CACNA1B: variants seen among roughly 807,000 people sequenced by gnomAD.
CACNA1B encodes calcium voltage-gated channel subunit alpha1 B, also known as voltage-dependent N-type calcium channel subunit alpha-1B.
CACNA1B carries 70 observed loss-of-function variants against 247.2 expected under a neutral mutation model. That is an observed-to-expected ratio of 0.28 (90% CI 0.23 to 0.35). The LOEUF is 0.35. CACNA1B is among the 10% of genes least tolerant of loss of function. The probability of loss-of-function intolerance (pLI) is 1.00; values close to 1 mark genes in which losing one functional copy is unlikely to be tolerated. For synonymous variants in CACNA1B, 1,231 were observed against 1,294.4 expected, an observed-to-expected ratio of 0.95 and a Z score of 1.05; for missense variants, 2,367 against 3,197.4, an observed-to-expected ratio of 0.74 and a Z score of 6.26.
chr9:138,099,986 A>C (rs1424994848), intron 37 of CACNA1B, among the ~76,000 whole-genome samples: 1 of 152,276 alleles, frequency 6.6e-6, no homozygotes, highest in African/African-American at 2.4e-5. Flanking sequence ...AAACAGGCAC[A>C]TGCTGTCAGA....
chr9:137,885,509 C>T (rs1302384022), intron 3 of CACNA1B, among the ~76,000 whole-genome samples: 1 of 143,628 alleles, frequency 7.0e-6, no homozygotes, highest in African/African-American at 2.6e-5. Context: ...GAGGGAGAGG[C>T]AGACACCCTG....
chr9:138,069,003 C>T (rs1476665752), intron 31 of CACNA1B, among the ~76,000 whole-genome samples: 1 of 152,210 alleles, frequency 6.6e-6, no homozygotes, highest in Non-Finnish European at 1.5e-5. Context: ...TCCTTGGCAG[C>T]CCCTGCCAAC....
Position 137,945,905 on chromosome 9 carries a change from G to A in CACNA1B, c.967-6369G>A, listed in dbSNP as rs1040345098. Among the ~76,000 whole-genome samples, 7 of 152,054 alleles carry A rather than the reference G, an allele frequency of 4.6e-5. No homozygotes were observed. The South Asian group carries it at 6.2e-4, about 14-fold the overall frequency. The stretch of plus-strand genomic sequence containing the variant: ...GCCATCACAGCTCACTGCAACCTCC[G>A]CCTTCCAGGTTCAAGCAATTCTGCT... On this transcript the variant is annotated intron_variant, in intron 6 of 46. Coordinates refer to ENST00000371372, the MANE Select transcript of CACNA1B (RefSeq NM_000718.4).
rs1202821092 is a variant in CACNA1B, at chr9:137,899,499, G to A, written c.531-13681G>A. Among the ~76,000 whole-genome samples the A allele has an allele frequency of 2.6e-5, 4 of 152,196 alleles. No homozygotes were observed. Among genetic ancestry groups the A allele is most frequent in the Non-Finnish European group, 5.9e-5 (4 of 68,032 alleles). ...CTGTCGTGTGTGTGCTTGGGGTTGG[G>A]GTTCCCCGCATGCCATGCCTAGCTC... On this transcript the variant is annotated intron_variant, in intron 3 of 46. Coordinates refer to ENST00000371372, the MANE Select transcript of CACNA1B (RefSeq NM_000718.4). The surrounding 1 kb of genome is among the most constrained non-coding windows in gnomAD (Gnocchi z 5.0).
rs1564300553 is a variant in CACNA1B, at chr9:138,121,966, C to T, written c.6987C>T (p.Ser2329=). Reference sequence around the variant, plus strand: ...GCTCGGGTGGCCGAGCACGGCACAGCTACCACCACCCTGACCAAGACCACT... The same window carrying T: ...GCTCGGGTGGCCGAGCACGGCACAGTTACCACCACCCTGACCAAGACCACT... The part of the protein sequence containing the change: ...GLSSGGRARH[S]YHHPDQDHWC The change falls in exon 47 of 47, where the codon AGC becomes AGT. Residue 2329 remains serine, a synonymous_variant. Coordinates refer to ENST00000371372, the MANE Select transcript of CACNA1B (RefSeq NM_000718.4). The surrounding 1 kb of genome is among the most constrained non-coding windows in gnomAD (Gnocchi z 6.8). The T allele has an allele frequency of 1.2e-6, 2 of 1,601,870 alleles. No individual in the cohort carries two copies.
intron 20 of CACNA1B, among the ~76,000 whole-genome samples, chr9:138,028,012 TC>T (rs938687989): frequency 3.3e-4 from 29 of 88,174 alleles, no homozygotes; most frequent in Non-Finnish European, 6.2e-4. Context: ...TCATTTCCAC[TC>T]CCCCCCAACC....
chr9:138,083,294 C>G (rs1589118356), intron 36 of CACNA1B, among the ~76,000 whole-genome samples: 1 of 151,062 alleles, frequency 6.6e-6, no homozygotes, highest in Non-Finnish European at 1.5e-5. Flanking sequence ...GACTGGTGGC[C>G]GACATCCCCA....
rs906463168 is a variant in CACNA1B at position 138,014,017 on chromosome 9, G to A, written c.2267+782G>A. On this transcript the variant is annotated intron_variant, in intron 18 of 46. Transcript: ENST00000371372. This position sits in a 1 kb window ranked among gnomAD's most constrained non-coding sequence, Gnocchi z 6.2. ...CCTCCCATTCCCCATGCTGATGGGCGGGCCCCAGCTCTTCAGCCGGCCACC... is the reference window on the plus strand; with the variant it reads ...CCTCCCATTCCCCATGCTGATGGGCAGGCCCCAGCTCTTCAGCCGGCCACC... Among the ~76,000 whole-genome samples the A allele has an allele frequency of 2.6e-4, 40 of 152,270 alleles. No homozygotes were observed. Among genetic ancestry groups the A allele is most frequent in the Non-Finnish European group, 5.0e-4 (34 of 68,046 alleles).
Position 138,011,514 on chromosome 9 carries a change from T to G in CACNA1B, c.2160+1437T>G, listed in dbSNP as rs1009127737. On this transcript the variant is annotated intron_variant, in intron 17 of 46. Transcript: ENST00000371372. This position sits in a 1 kb window ranked among gnomAD's most constrained non-coding sequence, Gnocchi z 4.2. ...GACTCGACCATCCCCTTCCCTTATA[T>G]TCCCATAATATTCCCACAAAAGCAT... Among the ~76,000 whole-genome samples, 2 of 152,204 alleles carry G rather than the reference T, an allele frequency of 1.3e-5. No homozygotes were observed. Among genetic ancestry groups the G allele is most frequent in the African/African-American group, 2.4e-5 (1 of 41,448 alleles).
In CACNA1B at chr9:138,060,905, A is replaced by G. The variant is rs180891871; in HGVS notation, c.4668+1168A>G. On this transcript the variant is annotated intron_variant, in intron 31 of 46. Transcript: ENST00000371372. ...TTCTAGAGCCCCTGAGCTGATGTTCATCATCCCGTCCCCACCACCCTTTCT... is the reference window on the plus strand; with the variant it reads ...TTCTAGAGCCCCTGAGCTGATGTTCGTCATCCCGTCCCCACCACCCTTTCT... 1.7e-3 allele frequency among the ~76,000 whole-genome samples: 257 copies of G among 151,758 alleles called. 1 individual carries two copies. The highest frequency in any genetic ancestry group is 5.4e-3 in the African/African-American group (225 of 41,384).
In CACNA1B at chr9:137,952,909, CTG is replaced by C. The variant is rs981596226; in HGVS notation, c.1070+534_1070+535del. On this transcript the variant is annotated intron_variant, in intron 7 of 46. Transcript: ENST00000371372. The surrounding 1 kb of genome is among the most constrained non-coding windows in gnomAD (Gnocchi z 4.8). ...GAAATAACTGGGGGCACCCTGATCT[CTG>C]TAGCAGTCACCACTGGGCTCGCCAC... is the stretch of plus-strand genomic sequence containing the variant. Among the ~76,000 whole-genome samples the C allele has an allele frequency of 3.3e-5, 5 of 152,102 alleles. No individual in the cohort carries two copies. Among genetic ancestry groups the C allele is most frequent in the Admixed American group, 2.0e-4 (3 of 15,272 alleles).
chr9:138,063,158 A>G (rs1959793774), intron 31 of CACNA1B, among the ~76,000 whole-genome samples: 1 of 152,232 alleles, frequency 6.6e-6, no homozygotes, highest in Non-Finnish European at 1.5e-5. Context: ...TGGCAGGCAC[A>G]GTGGCCACAC....
chr9:137,887,010 G>T (rs1246875295), intron 3 of CACNA1B, among the ~76,000 whole-genome samples: 7 of 150,248 alleles, frequency 4.7e-5, no homozygotes, highest in African/African-American at 7.4e-5. Context: ...GACCACCCAG[G>T]ATCCCCAGGG....
At chr9:138,097,299 G>T (rs541460952) in intron 37 of CACNA1B, among the ~76,000 whole-genome samples, 1 of 152,092 alleles carries the variant, frequency 6.6e-6, no homozygotes, top group African/African-American at 2.4e-5. Flanking sequence ...AGGAGGAGTC[G>T]CATGAAGGGC....
intron 36 of CACNA1B, among the ~76,000 whole-genome samples, chr9:138,087,384 CAA>C (rs58566171): frequency 0.016 from 829 of 52,674 alleles, 13 homozygotes; most frequent in African/African-American, 0.05. Context: ...GACTCTGTCT[CAA>C]AAAAAAAAAA....
intron 15 of CACNA1B, among the ~76,000 whole-genome samples, chr9:137,987,950 C>G (rs900542815): frequency 6.6e-6 from 1 of 152,222 alleles, no homozygotes; most frequent in Non-Finnish European, 1.5e-5. Flanking sequence ...TGTTGTCATC[C>G]CTTCTTCCTC....
In CACNA1B at chr9:138,122,916, C is replaced by G. The variant is rs201803981; in HGVS notation, c.*917C>G. 2 of 152,236 alleles carry G rather than the reference C, an allele frequency of 1.3e-5. No individual in the cohort carries two copies. Among genetic ancestry groups the G allele is most frequent in the Non-Finnish European group, 2.9e-5 (2 of 68,058 alleles). The allele number at this position is 152,236 out of a possible 1,614,324, so 9.4% of individuals were successfully genotyped here. A position where few individuals can be genotyped will look rare whatever the true frequency, so the allele number is the denominator to read the frequency against. ...CGCAGGATGCTGTGAAAAGTACTCG[C>G]GATGGCAGCCAGGTAGCAAGCCCTT... On this transcript the variant is annotated 3_prime_UTR_variant, in exon 47 of 47. Coordinates refer to ENST00000371372, the MANE Select transcript of CACNA1B (RefSeq NM_000718.4).
At chr9:138,065,536 C>G (rs1035850589) in intron 31 of CACNA1B, among the ~76,000 whole-genome samples, 3 of 152,180 alleles carry the variant, frequency 2.0e-5, no homozygotes, top group African/African-American at 7.2e-5. Context: ...CATGCCCACA[C>G]TGGTGTTCCT....
At chr9:137,879,205 G>T (rs1477697168) in intron 2 of CACNA1B, 46 bp downstream of exon 2, 1 of 1,238,172 alleles carries the variant, frequency 8.1e-7, no homozygotes, top group Non-Finnish European at 1.2e-6. Flanking sequence ...GGGAGGCCGC[G>T]ACTCCACTTT....
Sources: allele counts gnomAD v4.1 joint callset (sites outside exome capture counted in the v4.1 genomes callset), GRCh38; gene constraint gnomAD v4.1.1; non-coding constraint Gnocchi (gnomAD v3.1); transcripts MANE v1.5; gene names NCBI Gene and HGNC (gene_info 2026-07-23, HGNC 2026-07-21).